The following ANO7 variants were observed in gnomAD, a reference collection of about 807,000 sequenced individuals.
ANO7 encodes anoctamin 7, also known as anoctamin-7.
A neutral mutation model predicts 115.8 loss-of-function variants in ANO7; 114 were observed. The observed-to-expected ratio is 0.98, with a 90% CI of 0.85 to 1.15. The LOEUF is 1.15. Ranked by LOEUF, ANO7 falls within the 50% of genes most tolerant of loss-of-function variation. The pLI is 0.00. For synonymous variants in ANO7, 550 were observed against 498.2 expected (o/e 1.10, Z -1.38); for missense variants, 1,302 against 1,201.2 (o/e 1.08, Z -1.24).
chr2:241,237,051 G>A, the ANO7 span, among the ~76,000 whole-genome samples: 1 of 149,590 alleles, frequency 6.7e-6, no homozygotes, highest in Non-Finnish European at 1.5e-5. Flanking sequence ...TCTTCACCTT[G>A]AAGATGAAGC....
chr2:241,211,711 T>C (rs557539382), intron 15 of ANO7, among the ~76,000 whole-genome samples: 1 of 152,196 alleles, frequency 6.6e-6, no homozygotes, highest in African/African-American at 2.4e-5. Flanking sequence ...CTGTGGGGTG[T>C]TGAGCCTCCC....
rs1487075438 is a variant in ANO7, at chr2:241,190,058, A to C, written c.-6A>C. ...CCCACCCGGCCTTGCTGGGTGCAGGAGCAGGATGCTGCGGCGACGGGCCCA... is the reference window on the plus strand; with the variant it reads ...CCCACCCGGCCTTGCTGGGTGCAGGCGCAGGATGCTGCGGCGACGGGCCCA... On this transcript the variant is annotated splice_region_variant and 5_prime_UTR_variant, in exon 2 of 25. Coordinates refer to ENST00000674324, the MANE Select transcript of ANO7 (RefSeq NM_001370694.2). 6.4e-7 allele frequency: 1 copy of C among 1,568,910 alleles called. No homozygotes were observed. Among genetic ancestry groups the C allele is most frequent in the East Asian group, 2.4e-5 (1 of 42,498 alleles).
chr2:241,190,261 G>C (rs1256133463), intron 2 of ANO7, 90 bp downstream of exon 2: 13 of 1,150,094 alleles, frequency 1.1e-5, no homozygotes, highest in Non-Finnish European at 1.6e-5. Context: ...GCCTCTGGGG[G>C]TGGATGGGCA....
downstream of ANO7, chr2:241,227,921 C>T (rs2069284872): frequency 6.6e-6 from 1 of 152,230 alleles, no homozygotes; most frequent in South Asian, 2.1e-4. Context: ...CGTGGTCACC[C>T]TAGCCTATGA....
chr2:241,211,916 TAATC>T (rs1246693043), intron 15 of ANO7, among the ~76,000 whole-genome samples, 174 bp from the exon 16 acceptor site: 2 of 152,210 alleles, frequency 1.3e-5, no homozygotes, highest in African/African-American at 4.8e-5. Context: ...CAACTCCTGT[TAATC>T]AACATGTTTT....
intron 13 of ANO7, among the ~76,000 whole-genome samples, 183 bp from the exon 14 acceptor site, chr2:241,210,112 T>C (rs1449331468): frequency 1.3e-5 from 2 of 152,178 alleles, no homozygotes; most frequent in African/African-American, 4.8e-5. Flanking sequence ...CACCTCTGCC[T>C]GAGCAACTCA....
At chr2:241,239,525 G>A in the ANO7 span, 4 of 1,193,518 alleles carry the variant, frequency 3.4e-6, no homozygotes, top group Non-Finnish European at 3.7e-6. The surrounding 1 kb of genome is among the most constrained non-coding windows in gnomAD (Gnocchi z 4.6). Flanking sequence ...CTACAGGGTG[G>A]AGCGAACACT....
chr2:241,222,776 A>G (rs10933538), intron 21 of ANO7, among the ~76,000 whole-genome samples: 114,820 of 152,062 alleles, frequency 0.76, 44,470 homozygotes, highest in African/African-American at 0.92. Context: ...GCTCTGCTGG[A>G]CAGGGACAGT....
chr2:241,190,443 A>C (rs940673140), intron 2 of ANO7, among the ~76,000 whole-genome samples: 3 of 152,164 alleles, frequency 2.0e-5, no homozygotes, highest in African/African-American at 7.2e-5. Flanking sequence ...CTGGCCAGGC[A>C]AAGGCAAGAC....
intron 9 of ANO7, 84 bp from the exon 10 acceptor site, chr2:241,204,781 G>T: frequency 9.6e-7 from 1 of 1,040,658 alleles, no homozygotes. Flanking sequence ...TGGTCCCTAG[G>T]GGACAAGCAT....
In ANO7 at chr2:241,224,289, G is replaced by A; in HGVS notation, c.*136G>A. The A allele has an allele frequency of 1.0e-6, 1 of 969,724 alleles. No homozygotes were observed. The highest frequency in any genetic ancestry group is 1.5e-6 in the Non-Finnish European group (1 of 657,142). 60.1% of individuals were successfully genotyped at this position (969,724 alleles called of 1,614,324 possible). A position where few individuals can be genotyped will look rare whatever the true frequency, so the allele number is the denominator to read the frequency against. On this transcript the variant is annotated 3_prime_UTR_variant, in exon 25 of 25. Coordinates refer to ENST00000674324, the MANE Select transcript of ANO7 (RefSeq NM_001370694.2). ...GTTGTGCCTCATCTCTGGGCACATT[G>A]CCTGCTTCCCCCCAGCGCCGGCTTC... is the stretch of plus-strand genomic sequence containing the variant.
the ANO7 span, chr2:241,235,695 A>G: frequency 3.1e-5 from 23 of 753,888 alleles, no homozygotes; most frequent in East Asian, 4.5e-4. Context: ...AAACAGCCCT[A>G]TGACAACAGC....
chr2:241,210,593 G>A, intron 15 of ANO7, 23 bp downstream of exon 15: 1 of 1,606,968 alleles, frequency 6.2e-7, no homozygotes, highest in Non-Finnish European at 8.5e-7. Flanking sequence ...AGGCCGGCCA[G>A]GCACTGACCA....
In ANO7 at chr2:241,204,414, C is replaced by T. The variant is rs564879792; in HGVS notation, c.890-451C>T. ...GGATTGCGGCTGTGGTCAGATGAGG[C>T]AGGGGCCAGGGTGGGGGTTGGGTGG... On this transcript the variant is annotated intron_variant, in intron 9 of 24. Coordinates refer to ENST00000674324, the MANE Select transcript of ANO7 (RefSeq NM_001370694.2). Among the ~76,000 whole-genome samples, 3 of 59,764 alleles carry T rather than the reference C, an allele frequency of 5.0e-5. No homozygotes were observed. In the South Asian group the frequency reaches 1.7e-3, roughly 33 times the overall value. The allele number at this position is 59,764 out of a possible 152,430, so 39.2% of individuals were successfully genotyped here.
intron 17 of ANO7, chr2:241,212,888 T>G (rs2068747467): frequency 1.1e-5 from 5 of 464,590 alleles, no homozygotes; most frequent in Middle Eastern, 6.2e-4. Flanking sequence ...ATCTCAGCAC[T>G]TAGGGAGGCT....
the ANO7 span, chr2:241,235,510 T>G: frequency 1.9e-6 from 3 of 1,613,972 alleles, no homozygotes; most frequent in Non-Finnish European, 2.5e-6. Context: ...TCCATCATCT[T>G]GCGGATCCCA....
At chr2:241,211,676 A>G (rs2149226126) in intron 15 of ANO7, among the ~76,000 whole-genome samples, 1 of 151,974 alleles carries the variant, frequency 6.6e-6, no homozygotes, top group South Asian at 2.1e-4. Flanking sequence ...GGAGCCACCC[A>G]TTTGTTTCTG....
At chr2:241,234,793 T>C in the ANO7 span, among the ~76,000 whole-genome samples, 1 of 152,238 alleles carries the variant, frequency 6.6e-6, no homozygotes, top group Non-Finnish European at 1.5e-5. Context: ...TCGTCCTCAC[T>C]GCATAGCACA....
chr2:241,234,988 G>T, the ANO7 span: 1 of 1,042,122 alleles, frequency 9.6e-7, no homozygotes, highest in Non-Finnish European at 1.4e-6. Flanking sequence ...CTGCGTCCTG[G>T]CACTGCCTGC....
Sources: gnomAD v4.1 joint callset for allele counts (sites outside exome capture counted in the v4.1 genomes callset) on GRCh38, gnomAD v4.1.1 for gene constraint, Gnocchi (gnomAD v3.1) non-coding constraint, MANE v1.5 for transcripts, NCBI Gene and HGNC (gene_info 2026-07-23, HGNC 2026-07-21) for gene names.